The following CLEC3A variants were observed in gnomAD, a reference collection of about 807,000 sequenced individuals.
CLEC3A encodes C-type (calcium dependent, carbohydrate-recognition domain) lectin, superfamily member 1 (cartilage-derived).
In CLEC3A, 28 loss-of-function variants were observed where a neutral mutation model predicts 20.4. The observed-to-expected ratio is 1.37, with a 90% CI of 1.02 to 1.88. CLEC3A has a LOEUF of 1.88. Among genes scored for constraint, CLEC3A ranks in the 40% most tolerant of loss-of-function variants. The pLI, the probability that CLEC3A is intolerant of heterozygous loss-of-function variation, is 0.00. For missense variants in CLEC3A, 357 were observed against 240.4 expected (o/e 1.48, Z -3.21); for synonymous variants, 110 against 88.1 (o/e 1.25, Z -1.39).
Position 78,022,562 on chromosome 16 carries a change from T to C in CLEC3A, c.-65T>C, listed in dbSNP as rs774300347. 1.3e-6 allele frequency: 2 copies of C among 1,588,434 alleles called. No homozygotes were observed. Among genetic ancestry groups the C allele is most frequent in the East Asian group, 2.3e-5 (1 of 43,476 alleles). On this transcript the variant is annotated 5_prime_UTR_variant, in exon 1 of 3. Coordinates refer to ENST00000299642, the MANE Select transcript of CLEC3A (RefSeq NM_005752.6). ...CATCCCAGAGCAAGATGTAGCTGTG[T>C]AGTCTCCTTCCATAGCTGCTCTAAG...
Position 78,022,840 on chromosome 16 carries a change from G to A in CLEC3A, c.115+99G>A, listed in dbSNP as rs1025310007. The A allele has an allele frequency of 2.0e-5, 25 of 1,261,018 alleles. 1 individual carries two copies. The highest frequency in any genetic ancestry group is 1.1e-4 in the Admixed American group (5 of 46,212). 78.1% of individuals were successfully genotyped at this position (1,261,018 alleles called of 1,614,324 possible). A position where few individuals can be genotyped will look rare whatever the true frequency, so the allele number is the denominator to read the frequency against. The stretch of plus-strand genomic sequence containing the variant: ...CAAACTCCTCCAGGAGACTATCTTC[G>A]GTGATGGCACCATGCCATCATCCCT... On this transcript the variant is annotated intron_variant, in intron 1 of 2. Transcript: ENST00000299642.
Position 78,026,893 on chromosome 16 carries a change from C to G in CLEC3A, c.116-1214C>G, listed in dbSNP as rs564735898. On this transcript the variant is annotated intron_variant, in intron 1 of 2. Coordinates refer to ENST00000299642, the MANE Select transcript of CLEC3A (RefSeq NM_005752.6). ...AATATAGACGTATTTCTATATGAAC[C>G]TTTAGCACTTAACCCTGCTAGTAGC... 2.3e-3 allele frequency among the ~76,000 whole-genome samples: 352 copies of G among 152,266 alleles called. 1 individual carries two copies. Among genetic ancestry groups the G allele is most frequent in the Non-Finnish European group, 3.2e-3 (217 of 68,020 alleles).
In CLEC3A at chr16:78,031,047, T is replaced by C. The variant is rs1343065821; in HGVS notation, c.*206T>C. The C allele has an allele frequency of 3.6e-6, 2 of 550,614 alleles. No homozygotes were observed. The highest frequency in any genetic ancestry group is 3.1e-5 in the East Asian group (1 of 32,434). 34.1% of individuals were successfully genotyped at this position (550,614 alleles called of 1,614,324 possible). ...CCTGGGGTATAGGGGATCAGAAATA[T>C]TGATCCATGTGCACGCAGATAAAAT... On this transcript the variant is annotated 3_prime_UTR_variant, in exon 3 of 3. Transcript: ENST00000299642.
At position 78,031,028 on chromosome 16, in the gene CLEC3A, G is replaced by T; in HGVS notation, c.*187G>T. On this transcript the variant is annotated 3_prime_UTR_variant, in exon 3 of 3. Coordinates refer to ENST00000299642, the MANE Select transcript of CLEC3A (RefSeq NM_005752.6). ...TCTTTGGGATTTTGCCCTTCCTGGGGTATAGGGGATCAGAAATATTGATCC... is the reference window on the plus strand; with the variant it reads ...TCTTTGGGATTTTGCCCTTCCTGGGTTATAGGGGATCAGAAATATTGATCC... 1.7e-6 allele frequency: 1 copy of T among 603,902 alleles called. No homozygotes were observed. Among genetic ancestry groups the T allele is most frequent in the Non-Finnish European group, 2.8e-6 (1 of 358,166 alleles). 37.4% of individuals were successfully genotyped at this position (603,902 alleles called of 1,614,324 possible).
At chr16:78,026,307 C>T (rs1247738085) in intron 1 of CLEC3A, among the ~76,000 whole-genome samples, 1 of 152,166 alleles carries the variant, frequency 6.6e-6, no homozygotes, top group Non-Finnish European at 1.5e-5. Flanking sequence ...TTTAGACTGT[C>T]CTGAAAAATC....
chr16:78,031,076 T>C lies in CLEC3A; in HGVS notation c.*235T>C. ...TCCATGTGCACGCAGATAAAATGGC[T>C]TCTGCTAAACAGACTAAAATCTTTC... On this transcript the variant is annotated 3_prime_UTR_variant, in exon 3 of 3. Coordinates refer to ENST00000299642, the MANE Select transcript of CLEC3A (RefSeq NM_005752.6). 1 of 484,212 alleles carries C rather than the reference T, an allele frequency of 2.1e-6. No homozygotes were observed. 30.0% of individuals were successfully genotyped at this position (484,212 alleles called of 1,614,324 possible).
chr16:78,028,387 T>C (rs902241457), intron 2 of CLEC3A, among the ~76,000 whole-genome samples, 197 bp downstream of exon 2: 6 of 152,174 alleles, frequency 3.9e-5, no homozygotes, highest in African/African-American at 1.4e-4. Context: ...ATGGGTGGTA[T>C]AGAAATAAAA....
rs1417819305 is a variant in CLEC3A, at chr16:78,030,620, G to C, written c.373G>C (p.Val125Leu). 6.2e-7 allele frequency: 1 copy of C among 1,614,000 alleles called. No homozygotes were observed. Among genetic ancestry groups the C allele is most frequent in the Non-Finnish European group, 8.5e-7 (1 of 1,180,024 alleles). The stretch of plus-strand genomic sequence containing the variant: ...CTATGGTAAAAGGAGCCTGCCAGGT[G>C]TCAATGACTTTTGGCTGGGCATCAA... ...QDYGKRSLPG[V>L]NDFWLGINDM... The change falls in exon 3 of 3, where the codon GTC becomes CTC. Residue 125 changes from valine to leucine, a missense_variant. Transcript: ENST00000299642.
chr16:78,026,665 T>C (rs2029931655), intron 1 of CLEC3A, among the ~76,000 whole-genome samples: 1 of 152,204 alleles, frequency 6.6e-6, no homozygotes, highest in Non-Finnish European at 1.5e-5. Flanking sequence ...CTTTTAATAA[T>C]TTTTGTTATG....
rs1567545654 is a variant in CLEC3A at position 78,032,049 on chromosome 16, T to C, written c.*1208T>C. On this transcript the variant is annotated 3_prime_UTR_variant, in exon 3 of 3. Transcript: ENST00000299642. ...AACTTTAACTACACATGCTTGGAATTAAGTTTTAGCTGTTTTCATTGCTCA... is the reference window on the plus strand; with the variant it reads ...AACTTTAACTACACATGCTTGGAATCAAGTTTTAGCTGTTTTCATTGCTCA... The C allele has an allele frequency of 6.6e-6, 1 of 152,652 alleles. No individual in the cohort carries two copies. The highest frequency in any genetic ancestry group is 1.5e-5 in the Non-Finnish European group (1 of 68,038). The allele number at this position is 152,652 out of a possible 1,614,324, so 9.5% of individuals were successfully genotyped here.
Position 78,030,717 on chromosome 16 carries a change from C to A in CLEC3A, c.470C>A (p.Ala157Glu). 1 of 1,614,186 alleles carries A rather than the reference C, an allele frequency of 6.2e-7. No homozygotes were observed. The highest frequency in any genetic ancestry group is 8.5e-7 in the Non-Finnish European group (1 of 1,180,038). The change falls in exon 3 of 3, where the codon GCA becomes GAA. Residue 157 changes from alanine (A) to glutamate (E), a missense_variant. Coordinates refer to ENST00000299642, the MANE Select transcript of CLEC3A (RefSeq NM_005752.6). ...ATCTCCTTCCTCAACTGGGACCGTG[C>A]ACAGCCTAACGGTGGCAAGCGAGAA... ...IAISFLNWDRAQPNGGKRENC... is the reference protein window; with the variant it reads ...IAISFLNWDREQPNGGKRENC...
At chr16:78,030,181 G>A (rs866192076) in intron 2 of CLEC3A, among the ~76,000 whole-genome samples, 2 of 150,182 alleles carry the variant, frequency 1.3e-5, no homozygotes, top group Non-Finnish European at 3.0e-5. Context: ...ATGCTAAGGT[G>A]TTACAAGTAA....
At chr16:78,029,503 G>A (rs973602050) in intron 2 of CLEC3A, among the ~76,000 whole-genome samples, 2 of 151,862 alleles carry the variant, frequency 1.3e-5, no homozygotes, top group African/African-American at 4.8e-5. Flanking sequence ...TGAGTAGCTG[G>A]GATTATAGGC....
chr16:78,027,721 T>C (rs1380178553), intron 1 of CLEC3A, among the ~76,000 whole-genome samples: 1 of 152,178 alleles, frequency 6.6e-6, no homozygotes, highest in Non-Finnish European at 1.5e-5. Flanking sequence ...AGTGGAATGA[T>C]CTTTGCTCAC....
chr16:78,028,557 C>T (rs1236614846), intron 2 of CLEC3A, among the ~76,000 whole-genome samples: 1 of 152,350 alleles, frequency 6.6e-6, no homozygotes, highest in East Asian at 1.9e-4. Context: ...GGGCCACACC[C>T]AGCCTAAGAT....
chr16:78,023,622 A>G (rs2018776442), intron 1 of CLEC3A, among the ~76,000 whole-genome samples: 1 of 152,128 alleles, frequency 6.6e-6, no homozygotes, highest in Admixed American at 6.6e-5. Flanking sequence ...CACATACACA[A>G]ATTTCAGCAA....
intron 1 of CLEC3A, among the ~76,000 whole-genome samples, chr16:78,023,904 C>T (rs898965594): frequency 4.0e-5 from 6 of 151,882 alleles, no homozygotes; most frequent in African/African-American, 1.5e-4. Context: ...ACTACAGGCG[C>T]CTGCCACCAC....
intron 2 of CLEC3A, among the ~76,000 whole-genome samples, chr16:78,029,569 T>C (rs2030024190): frequency 6.6e-6 from 1 of 152,070 alleles, no homozygotes; most frequent in Non-Finnish European, 1.5e-5. Context: ...GGGGTTTCAC[T>C]ATGTTGGCCA....
intron 2 of CLEC3A, 102 bp downstream of exon 2, chr16:78,028,292 A>G (rs1171790050): frequency 1.2e-6 from 1 of 812,620 alleles, no homozygotes. Flanking sequence ...TGACAAATCA[A>G]TAATGTGGCC....
Sources: gnomAD v4.1 joint callset for allele counts (sites outside exome capture counted in the v4.1 genomes callset) on GRCh38, gnomAD v4.1.1 for gene constraint, MANE v1.5 for transcripts, NCBI Gene and HGNC (gene_info 2026-07-23, HGNC 2026-07-21) for gene names.